OSTM1: variants seen among roughly 807,000 people sequenced by gnomAD.
The protein encoded by OSTM1 is osteopetrosis-associated transmembrane protein 1.
Under a neutral mutation model 35.4 loss-of-function variants are expected in OSTM1, and 26 were observed. The observed-to-expected ratio is 0.73, with a 90% confidence interval of 0.54 to 1.02. The LOEUF (loss-of-function observed/expected upper bound fraction) is 1.02, where lower values mean the gene tolerates loss of function less well. Ranked by LOEUF, OSTM1 falls within the 50% of genes least tolerant of loss-of-function variation. The pLI, the probability that OSTM1 is intolerant of heterozygous loss-of-function variation, is 0.00. For synonymous variants in OSTM1, 181 were observed against 165.0 expected (o/e 1.10, Z -0.75); for missense variants, 366 against 409.6 (o/e 0.89, Z 0.92).
rs1351489321 is a variant in OSTM1 at position 108,041,582 on chromosome 6, C to T, written c.*3203G>A. 6.6e-6 allele frequency: 1 copy of T among 152,110 alleles called. No individual in the cohort carries two copies. Among genetic ancestry groups the T allele is most frequent in the African/African-American group, 2.4e-5 (1 of 41,408 alleles). 9.4% of individuals were successfully genotyped at this position (152,110 alleles called of 1,614,324 possible). On this transcript the variant is annotated 3_prime_UTR_variant, in exon 6 of 6. Coordinates refer to ENST00000193322, the MANE Select transcript of OSTM1 (RefSeq NM_014028.4). ...ATGTATAATTCAGCATAAGCCAAAGCCTTTTTAAAATAACCAATACTATCA... is the reference window on the plus strand; with the variant it reads ...ATGTATAATTCAGCATAAGCCAAAGTCTTTTTAAAATAACCAATACTATCA...
intron 5 of OSTM1, among the ~76,000 whole-genome samples, chr6:108,047,268 A>G (rs1284455786): frequency 6.6e-6 from 1 of 152,172 alleles, no homozygotes; most frequent in Admixed American, 6.5e-5. Context: ...AGGTAAGTAA[A>G]GAGGGAAGGG....
chr6:108,063,655 G>T (rs1434102371), intron 2 of OSTM1, among the ~76,000 whole-genome samples: 1 of 152,066 alleles, frequency 6.6e-6, no homozygotes, highest in African/African-American at 2.4e-5. Flanking sequence ...TGCAAAGAAG[G>T]TAGAACAGAT....
chr6:108,056,692 G>GC (rs1211368872), intron 2 of OSTM1, among the ~76,000 whole-genome samples: 1 of 152,174 alleles, frequency 6.6e-6, no homozygotes, highest in African/African-American at 2.4e-5. Context: ...TCCTTGTACA[G>GC]CCCCCTTGTG....
intron 1 of OSTM1, among the ~76,000 whole-genome samples, chr6:108,069,769 T>C (rs927181886): frequency 6.6e-6 from 1 of 152,230 alleles, no homozygotes; most frequent in Non-Finnish European, 1.5e-5. Context: ...AATGAAACTA[T>C]ATGCGATCCC....
intron 2 of OSTM1, among the ~76,000 whole-genome samples, chr6:108,059,634 CA>C (rs1208984111): frequency 6.6e-6 from 1 of 152,098 alleles, no homozygotes; most frequent in Non-Finnish European, 1.5e-5. Flanking sequence ...CATGTTTTTA[CA>C]TTTTTTTCTG....
At chr6:108,057,884 G>A (rs570117739) in intron 2 of OSTM1, among the ~76,000 whole-genome samples, 1 of 152,028 alleles carries the variant, frequency 6.6e-6, no homozygotes, top group Non-Finnish European at 1.5e-5. Flanking sequence ...AGAAATTGGT[G>A]AGTTAAAGAA....
intron 5 of OSTM1, among the ~76,000 whole-genome samples, chr6:108,046,347 CT>C (rs780366857): frequency 7.8e-4 from 91 of 116,062 alleles, no homozygotes; most frequent in Non-Finnish European, 8.1e-4. Flanking sequence ...TCTTTTTTTT[CT>C]TTTTTTTTTT....
In OSTM1 at chr6:108,041,723, T is replaced by C. The variant is rs1031167362; in HGVS notation, c.*3062A>G. The stretch of plus-strand genomic sequence containing the variant: ...TTATAAATAAAGAGCTCTATGATGT[T>C]CCACTTATTTAGTCTTAATAAGGTA... On this transcript the variant is annotated 3_prime_UTR_variant, in exon 6 of 6. Transcript: ENST00000193322. 1 of 152,196 alleles carries C rather than the reference T, an allele frequency of 6.6e-6. No homozygotes were observed. The highest frequency in any genetic ancestry group is 2.4e-5 in the African/African-American group (1 of 41,442). 9.4% of individuals were successfully genotyped at this position (152,196 alleles called of 1,614,324 possible).
chr6:108,074,322 G>A lies in OSTM1; in HGVS notation c.330C>T (p.Arg110=), dbSNP rs752996966. The A allele has an allele frequency of 6.2e-7, 1 of 1,611,938 alleles. No individual in the cohort carries two copies. Among genetic ancestry groups the A allele is most frequent in the Admixed American group, 1.7e-5 (1 of 59,936 alleles). The change falls in exon 1 of 6, where the codon CGC becomes CGT. Residue 110 remains arginine (R), a synonymous_variant. Coordinates refer to ENST00000193322, the MANE Select transcript of OSTM1 (RefSeq NM_014028.4). ...AGAGGGGGTAGCAGGTCTGACAGAG[G>A]CGCACGGGCCGGGCGCTGCGCACCA... is the stretch of plus-strand genomic sequence containing the variant. The part of the protein sequence containing the change: ...GCLVRSARPV[R]LCQTCYPLFQ...
At position 108,041,500 on chromosome 6, in the gene OSTM1, CTAATA is replaced by C. The variant is rs1324948581; in HGVS notation, c.*3280_*3284del. Reference sequence around the variant, plus strand: ...CATGTATGACTAATATTTATTATAGCTAATATAATAGTTTAGAACAAGGAAATTTA... The same window carrying C: ...CATGTATGACTAATATTTATTATAGCTAATAGTTTAGAACAAGGAAATTTA... On this transcript the variant is annotated 3_prime_UTR_variant, in exon 6 of 6. Transcript: ENST00000193322. The C allele has an allele frequency of 6.6e-6, 1 of 152,002 alleles. No individual in the cohort carries two copies. Among genetic ancestry groups the C allele is most frequent in the Non-Finnish European group, 1.5e-5 (1 of 68,016 alleles). 9.4% of individuals were successfully genotyped at this position (152,002 alleles called of 1,614,324 possible).
chr6:108,054,748 A>G (rs1051609753), intron 2 of OSTM1, among the ~76,000 whole-genome samples, 161 bp from the exon 3 acceptor site: 1 of 152,238 alleles, frequency 6.6e-6, no homozygotes. Flanking sequence ...TTTATTTTCC[A>G]AAAGTTAAAA....
chr6:108,066,886 C>T (rs138130271), intron 1 of OSTM1, among the ~76,000 whole-genome samples: 2 of 152,254 alleles, frequency 1.3e-5, no homozygotes, highest in East Asian at 3.9e-4. Context: ...TTTGTATTCC[C>T]AACACCTCGC....
Position 108,046,382 on chromosome 6 carries a change from C to T in OSTM1, c.950-1542G>A, listed in dbSNP as rs1415643827. Among the ~76,000 whole-genome samples the T allele has an allele frequency of 7.5e-5, 11 of 146,972 alleles. 1 individual carries two copies. The highest frequency in any genetic ancestry group is 2.8e-4 in the African/African-American group (11 of 39,302). Reference sequence around the variant, plus strand: ...TTTGAGACGGAGTCTCACTCTGTCGCCCAGGCTGGAGTGCAGTGGCGCGAT... The same window carrying T: ...TTTGAGACGGAGTCTCACTCTGTCGTCCAGGCTGGAGTGCAGTGGCGCGAT... On this transcript the variant is annotated intron_variant, in intron 5 of 5. Transcript: ENST00000193322.
intron 2 of OSTM1, among the ~76,000 whole-genome samples, chr6:108,056,768 C>A (rs969876477): frequency 2.0e-5 from 3 of 152,154 alleles, no homozygotes; most frequent in African/African-American, 7.2e-5. Context: ...GAGTTGTCCC[C>A]TCTCTGAACT....
At chr6:108,057,448 T>G (rs953077704) in intron 2 of OSTM1, among the ~76,000 whole-genome samples, 1 of 152,204 alleles carries the variant, frequency 6.6e-6, no homozygotes. Context: ...ATGAGCTATG[T>G]CGTGACAACT....
In OSTM1 at chr6:108,041,444, T is replaced by C. The variant is rs1340480854; in HGVS notation, c.*3341A>G. On this transcript the variant is annotated 3_prime_UTR_variant, in exon 6 of 6. Coordinates refer to ENST00000193322, the MANE Select transcript of OSTM1 (RefSeq NM_014028.4). ...AAAGCCCTCTTTAATTCCAAGGAGA[T>C]AAAGAAAGTTATTTGTCATTAAACA... The C allele has an allele frequency of 6.6e-6, 1 of 152,194 alleles. No individual in the cohort carries two copies. Among genetic ancestry groups the C allele is most frequent in the Non-Finnish European group, 1.5e-5 (1 of 68,028 alleles). The allele number at this position is 152,194 out of a possible 1,614,324, so 9.4% of individuals were successfully genotyped here.
At chr6:108,060,939 T>TA (rs1011683050) in intron 2 of OSTM1, 2 of 152,046 alleles carry the variant, frequency 1.3e-5, no homozygotes, top group East Asian at 1.9e-4. Flanking sequence ...AAAATAAAAT[T>TA]AAAAAATAAA....
At chr6:108,049,618 T>C in intron 4 of OSTM1, 200 bp from the exon 5 acceptor site, 1 of 1,306,602 alleles carries the variant, frequency 7.7e-7, no homozygotes, top group East Asian at 2.8e-5. Flanking sequence ...GAAATTTATA[T>C]CCATACAGAA....
In OSTM1 at chr6:108,043,278, G is replaced by C. The variant is rs1298452063; in HGVS notation, c.*1507C>G. 1 of 152,200 alleles carries C rather than the reference G, an allele frequency of 6.6e-6. No individual in the cohort carries two copies. Among genetic ancestry groups the C allele is most frequent in the African/African-American group, 2.4e-5 (1 of 41,454 alleles). The allele number at this position is 152,200 out of a possible 1,614,324, so 9.4% of individuals were successfully genotyped here. A position where few individuals can be genotyped will look rare whatever the true frequency, so the allele number is the denominator to read the frequency against. On this transcript the variant is annotated 3_prime_UTR_variant, in exon 6 of 6. Transcript: ENST00000193322. ...GTGCTAAGTTCCAGCAGCATAAACAGTGACAGCAGAACAAACCCCAGCACA... is the reference window on the plus strand; with the variant it reads ...GTGCTAAGTTCCAGCAGCATAAACACTGACAGCAGAACAAACCCCAGCACA...
Sources: allele counts gnomAD v4.1 joint callset (sites outside exome capture counted in the v4.1 genomes callset), GRCh38; gene constraint gnomAD v4.1.1; transcripts MANE v1.5; gene names NCBI Gene and HGNC (gene_info 2026-07-23, HGNC 2026-07-21).